The following DNAAF4 variants were observed in gnomAD, a reference collection of about 807,000 sequenced individuals.
DNAAF4 encodes dynein axonemal assembly factor 4.
Under a neutral mutation model 51.8 loss-of-function variants are expected in DNAAF4, and 43 were observed. That is an observed-to-expected ratio of 0.83 (90% CI 0.65 to 1.07). The LOEUF (loss-of-function observed/expected upper bound fraction) is 1.07. Among genes scored for constraint, DNAAF4 ranks in the 50% least tolerant of loss-of-function variants. The pLI is 0.00. For synonymous variants in DNAAF4, 194 were observed against 165.6 expected (o/e 1.17, Z -1.32); for missense variants, 581 against 493.0 (o/e 1.18, Z -1.69).
In DNAAF4 at chr15:55,467,057, C is replaced by G. The variant is rs146798497; in HGVS notation, c.510G>C (p.Glu170Asp). 27 of 1,551,400 alleles carry G rather than the reference C, an allele frequency of 1.7e-5. No homozygotes were observed. Among genetic ancestry groups the G allele is most frequent in the Non-Finnish European group, 2.3e-5 (27 of 1,150,436 alleles). The change falls in exon 5 of 10, where the codon GAG becomes GAC. Residue 170 changes from glutamate (E) to aspartate (D), a missense_variant. Glu to Asp is a conservative substitution (Grantham distance 45). Coordinates refer to ENST00000321149, the MANE Select transcript of DNAAF4 (RefSeq NM_130810.4). The part of the protein sequence containing the change: ...EAWKEYQRKA[E>D]EQKKIQREEK... Reference sequence around the variant, plus strand: ...CTTCTCTCTGAATTTTTTTTTGCTCCTCAGCTTTTCTTTGATATTCTTTCC... The same window carrying G: ...CTTCTCTCTGAATTTTTTTTTGCTCGTCAGCTTTTCTTTGATATTCTTTCC...
intron 4 of DNAAF4, among the ~76,000 whole-genome samples, chr15:55,473,592 A>T (rs992605208): frequency 2.6e-5 from 4 of 152,018 alleles, no homozygotes; most frequent in African/African-American, 9.7e-5. Flanking sequence ...AAGCATTATG[A>T]TGTCAGTGTA....
intron 7 of DNAAF4, among the ~76,000 whole-genome samples, chr15:55,424,362 G>C (rs1206337857): frequency 6.6e-6 from 1 of 152,172 alleles, no homozygotes; most frequent in East Asian, 1.9e-4. Context: ...ATAAATCTCT[G>C]TCCTTTATAA....
chr15:55,423,987 G>A (rs1164961841), intron 7 of DNAAF4, among the ~76,000 whole-genome samples: 2 of 152,160 alleles, frequency 1.3e-5, no homozygotes, highest in Non-Finnish European at 2.9e-5. Context: ...CTACTTGGGA[G>A]GCTGAGGCAG....
intron 4 of DNAAF4, 118 bp from the exon 5 acceptor site, chr15:55,467,279 T>C (rs2058184255): frequency 1.1e-6 from 1 of 946,468 alleles, no homozygotes; most frequent in Admixed American, 2.7e-5. Flanking sequence ...ATTGTATTTG[T>C]AACAATAGGT....
rs756618869 is a variant in DNAAF4, at chr15:55,467,008, G to C, written c.559C>G (p.Gln187Glu). 3.5e-5 allele frequency: 55 copies of C among 1,572,974 alleles called. No individual in the cohort carries two copies. In the East Asian group the frequency reaches 1.2e-3, roughly 36 times the overall value. ...ATTTTTTTTCTTTCTTCTTTAATTT[G>C]CTTTTCTTTTTGACATAATTTCTCT... ...REEKLCQKEK[Q>E]IKEERKKIKY... is the part of the protein sequence containing the mutation. Residue 187 changes from glutamine to glutamate, a missense_variant, in exon 5 of 10, where the codon CAA (glutamine) becomes GAA (glutamate). By Grantham distance (29) the Gln-to-Glu change is conservative. Coordinates refer to ENST00000321149, the MANE Select transcript of DNAAF4 (RefSeq NM_130810.4).
intron 5 of DNAAF4, among the ~76,000 whole-genome samples, chr15:55,460,203 C>T (rs1156846970): frequency 3.0e-5 from 4 of 134,642 alleles, no homozygotes; most frequent in Non-Finnish European, 4.8e-5. Flanking sequence ...TTTTTTGAGA[C>T]AGAGTCTCAC....
chr15:55,474,979 A>C (rs1195927157), intron 4 of DNAAF4, among the ~76,000 whole-genome samples: 1 of 152,262 alleles, frequency 6.6e-6, no homozygotes, highest in Non-Finnish European at 1.5e-5. Context: ...ACTTCGTCTC[A>C]AACACAAAAC....
At chr15:55,449,477 A>G (rs2057897654) in intron 6 of DNAAF4, among the ~76,000 whole-genome samples, 1 of 149,102 alleles carries the variant, frequency 6.7e-6, no homozygotes, top group South Asian at 2.2e-4. Context: ...AGCCTGACCA[A>G]CATGGTGAAA....
chr15:55,490,523 A>G (rs1212461580), intron 4 of DNAAF4, among the ~76,000 whole-genome samples: 1 of 152,230 alleles, frequency 6.6e-6, no homozygotes, highest in Non-Finnish European at 1.5e-5. Context: ...TTTTAAAATC[A>G]TATCTGTTAT....
In DNAAF4 at chr15:55,450,278, T is replaced by C; in HGVS notation, c.727A>G (p.Thr243Ala). 1 of 1,614,032 alleles carries C rather than the reference T, an allele frequency of 6.2e-7. No homozygotes were observed. ...RSVGSIKINF[T>A]PRVFPTALRE... The stretch of plus-strand genomic sequence containing the variant: ...AGAGCTGTTGGGAATACTCGAGGGG[T>C]AAAGTTGATTTTAATACTGCCAACA... The change falls in exon 6 of 10, where the codon ACC becomes GCC. Residue 243 changes from threonine (T) to alanine (A), a missense_variant. Physicochemically the swap from Thr to Ala is moderately conservative, Grantham distance 58. Transcript: ENST00000321149.
chr15:55,499,534 A>G (rs1249821576), intron 1 of DNAAF4, among the ~76,000 whole-genome samples: 1 of 152,160 alleles, frequency 6.6e-6, no homozygotes, highest in Non-Finnish European at 1.5e-5. Context: ...CTTTGCTCCA[A>G]ATTCCTCTTC....
At chr15:55,452,405 G>T (rs1435709640) in intron 5 of DNAAF4, among the ~76,000 whole-genome samples, 2 of 151,434 alleles carry the variant, frequency 1.3e-5, no homozygotes, top group Non-Finnish European at 2.9e-5. Flanking sequence ...ATCCCATGAG[G>T]ATAACTAAAA....
At position 55,432,608 on chromosome 15, in the gene DNAAF4, A is replaced by G. The variant is rs2057513783; in HGVS notation, c.1048-6T>C. ...GGCATCAATAATTCCAGTGCCTTAC[A>G]AAATATATATAATTATTACAAGAAA... On this transcript the variant is annotated splice_region_variant and splice_polypyrimidine_tract_variant and intron_variant, in intron 8 of 9. Coordinates refer to ENST00000321149, the MANE Select transcript of DNAAF4 (RefSeq NM_130810.4). 1 of 1,599,170 alleles carries G rather than the reference A, an allele frequency of 6.3e-7. No individual in the cohort carries two copies. The highest frequency in any genetic ancestry group is 1.3e-5 in the African/African-American group (1 of 74,472).
intron 5 of DNAAF4, among the ~76,000 whole-genome samples, chr15:55,456,096 T>G (rs2141476203): frequency 6.6e-6 from 1 of 151,774 alleles, no homozygotes. Context: ...TTTTTTTTTT[T>G]GAGATGGAGT....
At chr15:55,457,858 A>T (rs1015441899) in intron 5 of DNAAF4, among the ~76,000 whole-genome samples, 3 of 152,158 alleles carry the variant, frequency 2.0e-5, no homozygotes, top group African/African-American at 7.2e-5. Context: ...AGACCTGTGG[A>T]TCACATCACA....
intron 4 of DNAAF4, among the ~76,000 whole-genome samples, chr15:55,470,067 T>TC (rs143318258): frequency 0.043 from 6,447 of 150,060 alleles, 475 homozygotes; most frequent in African/African-American, 0.15. Flanking sequence ...TTTTTTTTTT[T>TC]CTGAGACGGA....
At chr15:55,457,426 A>C (rs1375172472) in intron 5 of DNAAF4, among the ~76,000 whole-genome samples, 3 of 152,044 alleles carry the variant, frequency 2.0e-5, no homozygotes, top group African/African-American at 7.2e-5. Flanking sequence ...CTGAGCCCAG[A>C]CCCAACTAAC....
chr15:55,426,588 T>A (rs866283506), downstream of DNAAF4, among the ~76,000 whole-genome samples: 5 of 151,992 alleles, frequency 3.3e-5, no homozygotes, highest in African/African-American at 9.7e-5. Context: ...TGCCACCATG[T>A]CCGGCTAATT....
chr15:55,480,367 C>T (rs947907226), intron 4 of DNAAF4, among the ~76,000 whole-genome samples: 2 of 152,084 alleles, frequency 1.3e-5, no homozygotes, highest in African/African-American at 4.8e-5. Context: ...AGCCTTTAAC[C>T]AGGGCCACTG....
Sources: gnomAD v4.1 joint callset for allele counts (sites outside exome capture counted in the v4.1 genomes callset) on GRCh38, gnomAD v4.1.1 for gene constraint, MANE v1.5 for transcripts, NCBI Gene and HGNC (gene_info 2026-07-23, HGNC 2026-07-21) for gene names.